The following TMEM132D variants were observed in gnomAD, a reference collection of about 807,000 sequenced individuals.
The protein encoded by TMEM132D is transmembrane protein 132D.
Under a neutral mutation model 62.3 loss-of-function variants are expected in TMEM132D, and 21 were observed. The observed-to-expected ratio is 0.34, with a 90% CI of 0.24 to 0.49. The LOEUF (loss-of-function observed/expected upper bound fraction) is 0.49. TMEM132D is among the 20% of genes least tolerant of loss of function. The pLI, the probability that TMEM132D is intolerant of heterozygous loss-of-function variation, is 0.99. For missense variants in TMEM132D, 1,346 were observed against 1,402.8 expected (o/e 0.96, Z 0.65); for synonymous variants, 621 against 575.6 (o/e 1.08, Z -1.13).
At chr12:129,692,163 T>C (rs594918) in intron 2 of TMEM132D, among the ~76,000 whole-genome samples, 43,257 of 152,012 alleles carry the variant, frequency 0.28, 6,318 homozygotes, top group South Asian at 0.35. Flanking sequence ...CTCTCAGTAA[T>C]ATGAGTATTA....
chr12:129,579,332 A>G (rs1218041932), intron 2 of TMEM132D, among the ~76,000 whole-genome samples: 1 of 152,162 alleles, frequency 6.6e-6, no homozygotes, highest in African/African-American at 2.4e-5. Flanking sequence ...GGTTCTCTAC[A>G]GGGACGAAAC....
At chr12:129,752,639 A>G (rs1870036962) in intron 1 of TMEM132D, among the ~76,000 whole-genome samples, 1 of 152,220 alleles carries the variant, frequency 6.6e-6, no homozygotes, top group South Asian at 2.1e-4. Context: ...AAGCTATGCC[A>G]TTTAGGGAGG....
In TMEM132D at chr12:129,779,510, T is replaced by C. The variant is rs185218511; in HGVS notation, c.80-78812A>G. On this transcript the variant is annotated intron_variant, in intron 1 of 8. Transcript: ENST00000422113. The surrounding 1 kb of genome is among the most constrained non-coding windows in gnomAD (Gnocchi z 4.1). ...TTGTCCCAGGCTGGTCTCAAACTCA[T>C]GGACTCAAACCACCTGCCTGCCTCA... 5.9e-5 allele frequency among the ~76,000 whole-genome samples: 9 copies of C among 152,288 alleles called. No individual in the cohort carries two copies. The East Asian group carries it at 1.4e-3, about 23-fold the overall frequency.
At chr12:129,630,253 G>C (rs1006376602) in intron 2 of TMEM132D, among the ~76,000 whole-genome samples, 1 of 152,136 alleles carries the variant, frequency 6.6e-6, no homozygotes, top group African/African-American at 2.4e-5. Flanking sequence ...AGAAAAACAG[G>C]CAGCTGTGAA....
intron 1 of TMEM132D, among the ~76,000 whole-genome samples, chr12:129,781,849 T>A (rs1346394889): frequency 6.6e-6 from 1 of 152,216 alleles, no homozygotes; most frequent in Non-Finnish European, 1.5e-5. Context: ...GGGAGTTAAC[T>A]TATTCAAGAA....
At chr12:129,532,914 C>T (rs1195578041) in intron 2 of TMEM132D, among the ~76,000 whole-genome samples, 1 of 152,182 alleles carries the variant, frequency 6.6e-6, no homozygotes, top group Non-Finnish European at 1.5e-5. Context: ...AGCCTGGTCT[C>T]CTCCCCTGTG....
intron 2 of TMEM132D, among the ~76,000 whole-genome samples, chr12:129,626,789 G>T (rs908624637): frequency 1.3e-5 from 2 of 152,094 alleles, no homozygotes; most frequent in African/African-American, 2.4e-5. Context: ...TGTTAAATTG[G>T]CTAATGTTTT....
chr12:129,729,615 CA>C (rs1416204636), intron 1 of TMEM132D, among the ~76,000 whole-genome samples: 4 of 152,120 alleles, frequency 2.6e-5, no homozygotes, highest in Non-Finnish European at 5.9e-5. Flanking sequence ...AGTCATACTT[CA>C]AAACCCACCT....
chr12:129,682,905 G>T (rs1880821064), intron 2 of TMEM132D: 2 of 148,102 alleles, frequency 1.4e-5, no homozygotes, highest in African/African-American at 5.0e-5. Context: ...TTTTGGTCAT[G>T]GTAGATACAA....
At chr12:129,302,753 C>T (rs1244465432) in intron 4 of TMEM132D, among the ~76,000 whole-genome samples, 1 of 152,224 alleles carries the variant, frequency 6.6e-6, no homozygotes, top group Admixed American at 6.5e-5. Flanking sequence ...CCTTTTACAT[C>T]CACCAACAGC....
intron 2 of TMEM132D, among the ~76,000 whole-genome samples, chr12:129,565,704 G>A (rs529351472): frequency 2.2e-4 from 34 of 152,264 alleles, no homozygotes; most frequent in African/African-American, 8.2e-4. Flanking sequence ...CTTAACCCTC[G>A]CTGCTACTGC....
At chr12:129,864,969 C>T (rs552465381) in intron 1 of TMEM132D, among the ~76,000 whole-genome samples, 1 of 152,234 alleles carries the variant, frequency 6.6e-6, no homozygotes, top group South Asian at 2.1e-4. Flanking sequence ...TCTATGTGAG[C>T]TCATCATGAA....
At chr12:129,756,091 C>T (rs77593284) in intron 1 of TMEM132D, among the ~76,000 whole-genome samples, 2 of 151,938 alleles carry the variant, frequency 1.3e-5, no homozygotes, top group Non-Finnish European at 2.9e-5. Flanking sequence ...CTCAGGGAGG[C>T]GAAGAGTAGA....
intron 1 of TMEM132D, among the ~76,000 whole-genome samples, chr12:129,765,626 A>G (rs935274746): frequency 6.6e-6 from 1 of 151,752 alleles, no homozygotes; most frequent in Non-Finnish European, 1.5e-5. Flanking sequence ...TCTGTCCACA[A>G]GAGATTAAAC....
At chr12:129,717,205 G>T (rs1868618282) in intron 1 of TMEM132D, among the ~76,000 whole-genome samples, 1 of 152,148 alleles carries the variant, frequency 6.6e-6, no homozygotes, top group Non-Finnish European at 1.5e-5. Flanking sequence ...ATCCAGGAAG[G>T]CCATTTCTCT....
intron 3 of TMEM132D, among the ~76,000 whole-genome samples, chr12:129,404,832 C>T (rs1372283636): frequency 6.6e-6 from 1 of 152,130 alleles, no homozygotes; most frequent in Non-Finnish European, 1.5e-5. Context: ...GCCCCACCCC[C>T]AACACTAGGG....
At chr12:129,613,123 G>C (rs1013407859) in intron 2 of TMEM132D, among the ~76,000 whole-genome samples, 5 of 152,054 alleles carry the variant, frequency 3.3e-5, no homozygotes, top group African/African-American at 1.2e-4. Context: ...CTACGAGTTG[G>C]TTAGGCACAG....
rs184040835 is a variant in TMEM132D, at chr12:129,185,007, T to C, written c.1443+24513A>G. On this transcript the variant is annotated intron_variant, in intron 5 of 8. Transcript: ENST00000422113. ...AACCACAGTGGACCTAGGTGGAAAT[T>C]ATTTCACTAAATCTCAAGTCTAAAA... 3.3e-5 allele frequency among the ~76,000 whole-genome samples: 5 copies of C among 152,292 alleles called. 1 individual carries two copies. Among genetic ancestry groups the C allele is most frequent in the Admixed American group, 3.3e-4 (5 of 15,294 alleles).
chr12:129,094,842 C>G, intron 5 of TMEM132D, among the ~76,000 whole-genome samples: 1 of 152,086 alleles, frequency 6.6e-6, no homozygotes, highest in South Asian at 2.1e-4. Context: ...CCATGGAATA[C>G]TATGCAGCCA....
Sources: allele counts gnomAD v4.1 joint callset (sites outside exome capture counted in the v4.1 genomes callset), GRCh38; gene constraint gnomAD v4.1.1; non-coding constraint Gnocchi (gnomAD v3.1); transcripts MANE v1.5; gene names NCBI Gene and HGNC (gene_info 2026-07-23, HGNC 2026-07-21).